Variants in TMEFF2 observed in about 807,000 individuals in gnomAD.
The protein encoded by TMEFF2 is transmembrane protein with EGF like and two follistatin like domains 2, also known as tomoregulin-2.
A neutral mutation model predicts 53.8 loss-of-function variants in TMEFF2; 28 were observed. The ratio of observed to expected loss-of-function variants is 0.52; its 90% CI spans 0.39 to 0.71. The LOEUF (loss-of-function observed/expected upper bound fraction) is 0.71, where lower values mean the gene tolerates loss of function less well. Among genes scored for constraint, TMEFF2 ranks in the 30% least tolerant of loss-of-function variants. The pLI is 0.00. For synonymous variants in TMEFF2, 162 were observed against 166.3 expected (o/e 0.97, Z 0.20); for missense variants, 353 against 455.2 (o/e 0.78, Z 2.04).
At chr2:191,967,738 C>T (rs1222119815) in intron 7 of TMEFF2, among the ~76,000 whole-genome samples, 1 of 152,158 alleles carries the variant, frequency 6.6e-6, no homozygotes, top group Non-Finnish European at 1.5e-5. Flanking sequence ...CAGTGGCCCA[C>T]CTTTCTGGTC....
At chr2:192,040,653 GTTC>G (rs1194796398) in intron 5 of TMEFF2, among the ~76,000 whole-genome samples, 3 of 152,216 alleles carry the variant, frequency 2.0e-5, no homozygotes, top group Admixed American at 6.5e-5. Flanking sequence ...GCTCACAGTA[GTTC>G]TTCTGCTATG....
intron 5 of TMEFF2, among the ~76,000 whole-genome samples, chr2:192,037,281 G>T (rs1242305021): frequency 6.1e-5 from 7 of 114,012 alleles, no homozygotes; most frequent in East Asian, 2.3e-4. Flanking sequence ...AATAAAGAAA[G>T]AAAGAAAGAA....
At chr2:192,054,482 T>C (rs115535887) in intron 5 of TMEFF2, among the ~76,000 whole-genome samples, 108 of 152,276 alleles carry the variant, frequency 7.1e-4, no homozygotes, top group African/African-American at 2.5e-3. Context: ...CTGTAGACAA[T>C]TGCTAAGCCT....
rs188310833 is a variant in TMEFF2, at chr2:192,081,832, C to T, written c.440-24057G>A. ...TTTTTTTTTTTTTGACATGGAGTCTCGCTCTGTCACCTAGGCTGGAGTGCA... is the reference window on the plus strand; with the variant it reads ...TTTTTTTTTTTTTGACATGGAGTCTTGCTCTGTCACCTAGGCTGGAGTGCA... On this transcript the variant is annotated intron_variant, in intron 4 of 9. Coordinates refer to ENST00000272771, the MANE Select transcript of TMEFF2 (RefSeq NM_016192.4). 2.7e-3 allele frequency among the ~76,000 whole-genome samples: 378 copies of T among 137,658 alleles called. 3 individuals are homozygous for T. Among genetic ancestry groups the T allele is most frequent in the Middle Eastern group, 4.7e-3 (1 of 214 alleles). 90.3% of individuals were successfully genotyped at this position (137,658 alleles called of 152,430 possible).
At chr2:192,066,066 C>A (rs1182200308) in intron 4 of TMEFF2, among the ~76,000 whole-genome samples, 1 of 151,576 alleles carries the variant, frequency 6.6e-6, no homozygotes, top group East Asian at 1.9e-4. Flanking sequence ...CCCTAGAAAC[C>A]CCAATATGAC....
At chr2:192,174,827 C>A (rs2106028061) in intron 4 of TMEFF2, among the ~76,000 whole-genome samples, 1 of 151,654 alleles carries the variant, frequency 6.6e-6, no homozygotes, top group African/African-American at 2.4e-5. Flanking sequence ...AACATACAAC[C>A]ATGATGAGGT....
chr2:192,119,585 C>T (rs1209290419), intron 4 of TMEFF2, among the ~76,000 whole-genome samples: 1 of 152,220 alleles, frequency 6.6e-6, no homozygotes, highest in Non-Finnish European at 1.5e-5. Flanking sequence ...CCCACAATCA[C>T]ACAGTTATAT....
intron 7 of TMEFF2, among the ~76,000 whole-genome samples, chr2:191,977,179 C>T (rs139851703): frequency 2.3e-3 from 353 of 152,326 alleles, no homozygotes; most frequent in Admixed American, 4.4e-3. Context: ...GTATTCCATG[C>T]TGGACCAATA....
rs562996635 is a variant in TMEFF2, at chr2:192,060,285, C to G, written c.440-2510G>C. Among the ~76,000 whole-genome samples, 12 of 152,280 alleles carry G rather than the reference C, an allele frequency of 7.9e-5. No individual in the cohort carries two copies. The South Asian group carries it at 1.9e-3, about 24-fold the overall frequency. ...TAGAGGTTTAGTTAAAATGCAGATT[C>G]TGATTCATTAGGTGCGAGGTATGGT... On this transcript the variant is annotated intron_variant, in intron 4 of 9. Transcript: ENST00000272771.
At chr2:192,000,500 G>A (rs945127326) in intron 5 of TMEFF2, among the ~76,000 whole-genome samples, 9 of 152,120 alleles carry the variant, frequency 5.9e-5, no homozygotes, top group Admixed American at 5.9e-4. Flanking sequence ...GAATCTCCTG[G>A]AGAACTTTTA....
At chr2:192,152,385 A>G (rs1345730352) in intron 4 of TMEFF2, among the ~76,000 whole-genome samples, 1 of 151,898 alleles carries the variant, frequency 6.6e-6, no homozygotes, top group Non-Finnish European at 1.5e-5. Flanking sequence ...ACCTAATATG[A>G]TTGCTGTTGT....
intron 4 of TMEFF2, among the ~76,000 whole-genome samples, chr2:192,168,610 A>G (rs1028834317): frequency 3.9e-5 from 6 of 151,980 alleles, no homozygotes; most frequent in Non-Finnish European, 5.9e-5. Context: ...AAGCTTGCAA[A>G]CCATTTTTGC....
At chr2:192,036,921 T>C (rs1399666129) in intron 5 of TMEFF2, 1 of 152,208 alleles carries the variant, frequency 6.6e-6, no homozygotes, top group African/African-American at 2.4e-5. Context: ...CTGTTTTCTT[T>C]TTAAAACACT....
At chr2:192,184,325 G>C in intron 3 of TMEFF2, 29 bp downstream of exon 3, 1 of 1,610,704 alleles carries the variant, frequency 6.2e-7, no homozygotes. Flanking sequence ...AATCCATGCA[G>C]AAGGTTTCAA....
intron 4 of TMEFF2, among the ~76,000 whole-genome samples, chr2:192,135,254 A>G (rs1359852960): frequency 6.6e-6 from 1 of 152,108 alleles, no homozygotes; most frequent in Non-Finnish European, 1.5e-5. Context: ...GCTATCCCCA[A>G]ACGGCCACTC....
At chr2:192,050,579 T>C (rs1168125849) in intron 5 of TMEFF2, among the ~76,000 whole-genome samples, 1 of 150,824 alleles carries the variant, frequency 6.6e-6, no homozygotes, top group Non-Finnish European at 1.5e-5. Context: ...TCTTCCTGAG[T>C]AACATTTGAA....
intron 8 of TMEFF2, 115 bp from the exon 9 acceptor site, chr2:191,953,952 C>CG (rs1691977975): frequency 2.3e-6 from 2 of 887,510 alleles, no homozygotes; most frequent in Admixed American, 3.7e-5. Flanking sequence ...TGCAGTGGCG[C>CG]ATCTCGGCTC....
chr2:191,973,300 T>C (rs977364058), intron 7 of TMEFF2, among the ~76,000 whole-genome samples: 1 of 151,980 alleles, frequency 6.6e-6, no homozygotes, highest in Non-Finnish European at 1.5e-5. Context: ...ATATTATTAT[T>C]TTATAATCAT....
At chr2:191,991,627 TGTG>T (rs1686109664) in intron 7 of TMEFF2, among the ~76,000 whole-genome samples, 1 of 152,090 alleles carries the variant, frequency 6.6e-6, no homozygotes, top group South Asian at 2.1e-4. Flanking sequence ...CCTCTAATCT[TGTG>T]GTTACAACCG....
Sources: allele counts gnomAD v4.1 joint callset (sites outside exome capture counted in the v4.1 genomes callset), GRCh38; gene constraint gnomAD v4.1.1; transcripts MANE v1.5; gene names NCBI Gene and HGNC (gene_info 2026-07-23, HGNC 2026-07-21).